The following EYS variants were observed in gnomAD, a reference collection of about 807,000 sequenced individuals.
EYS encodes protein eyes shut homolog.
A neutral mutation model predicts 282.1 loss-of-function variants in EYS; 250 were observed. The ratio of observed to expected loss-of-function variants is 0.89; its 90% CI spans 0.80 to 0.98. The LOEUF is 0.98. Among genes scored for constraint, EYS ranks in the 50% least tolerant of loss-of-function variants. The pLI, the probability that EYS is intolerant of heterozygous loss-of-function variation, is 0.00. For synonymous variants in EYS, 1,355 were observed against 1,282.9 expected (o/e 1.06, Z -1.20); for missense variants, 4,016 against 3,709.0 (o/e 1.08, Z -2.15).
At chr6:64,746,212 G>A (rs996255407) in intron 22 of EYS, among the ~76,000 whole-genome samples, 4 of 151,872 alleles carry the variant, frequency 2.6e-5, no homozygotes, top group Admixed American at 2.6e-4. Flanking sequence ...AATATTAAGA[G>A]GTGGGACTAT....
intron 26 of EYS, among the ~76,000 whole-genome samples, chr6:64,481,429 T>C (rs1263371852): frequency 6.6e-6 from 1 of 150,722 alleles, no homozygotes; most frequent in Non-Finnish European, 1.5e-5. Context: ...AATTTTTTTT[T>C]CTTTTTCAAA....
intron 5 of EYS, among the ~76,000 whole-genome samples, chr6:65,472,589 T>A (rs1582341836): frequency 6.6e-6 from 1 of 151,968 alleles, no homozygotes; most frequent in Non-Finnish European, 1.5e-5. Flanking sequence ...GATCCAATAA[T>A]ATAGCACATA....
chr6:64,125,931 A>G (rs202016957), intron 31 of EYS, among the ~76,000 whole-genome samples: 8 of 106,666 alleles, frequency 7.5e-5, no homozygotes, highest in African/African-American at 2.8e-4. Flanking sequence ...TTTTTTTTTT[A>G]TTATACTTTA....
chr6:65,658,711 G>T (rs1256555047), intron 1 of EYS, among the ~76,000 whole-genome samples: 1 of 151,564 alleles, frequency 6.6e-6, no homozygotes, highest in Admixed American at 6.6e-5. Flanking sequence ...TGATACACAT[G>T]TAACATATAT....
At chr6:63,903,364 T>C (rs1011093494) in intron 35 of EYS, among the ~76,000 whole-genome samples, 1 of 152,050 alleles carries the variant, frequency 6.6e-6, no homozygotes, top group Non-Finnish European at 1.5e-5. Flanking sequence ...ACACAATATG[T>C]AAAGGAAAGG....
At chr6:63,780,198 C>A (rs1770179552) in intron 39 of EYS, among the ~76,000 whole-genome samples, 1 of 152,162 alleles carries the variant, frequency 6.6e-6, no homozygotes, top group Admixed American at 6.5e-5. Context: ...AATAGTGCTG[C>A]AATAAACATA....
intron 26 of EYS, among the ~76,000 whole-genome samples, chr6:64,564,846 A>G (rs1486872760): frequency 6.6e-6 from 1 of 152,148 alleles, no homozygotes; most frequent in Non-Finnish European, 1.5e-5. Context: ...CCTAATGTAG[A>G]TGACAGATTG....
At chr6:65,519,708 A>ATATATTTT (rs1554205854) in intron 2 of EYS, among the ~76,000 whole-genome samples, 1 of 42,562 alleles carries the variant, frequency 2.3e-5, no homozygotes, top group African/African-American at 1.3e-4. Flanking sequence ...ATATATATAT[A>ATATATTTT]TTTTTTTTTT....
At chr6:64,054,103 C>T (rs1770903590) in intron 33 of EYS, among the ~76,000 whole-genome samples, 1 of 152,104 alleles carries the variant, frequency 6.6e-6, no homozygotes, top group Non-Finnish European at 1.5e-5. Context: ...TAAATACATA[C>T]TTTATTCCTA....
At chr6:65,425,862 A>C (rs1489484529) in intron 5 of EYS, among the ~76,000 whole-genome samples, 2 of 152,128 alleles carry the variant, frequency 1.3e-5, no homozygotes, top group Non-Finnish European at 2.9e-5. Context: ...TCTCTCTAGA[A>C]GTGATGGCAG....
intron 26 of EYS, among the ~76,000 whole-genome samples, chr6:64,509,335 A>G (rs28429272): frequency 5.3e-5 from 8 of 152,098 alleles, no homozygotes; most frequent in Admixed American, 2.0e-4. Flanking sequence ...AGTGTAGTAG[A>G]TGATCTCTTG....
At chr6:64,511,452 G>A (rs1777400438) in intron 26 of EYS, among the ~76,000 whole-genome samples, 1 of 151,748 alleles carries the variant, frequency 6.6e-6, no homozygotes, top group African/African-American at 2.4e-5. Context: ...AAAAGATCTG[G>A]GAAATAAACT....
chr6:64,026,991 G>A (rs375286617), intron 33 of EYS, among the ~76,000 whole-genome samples: 2 of 152,188 alleles, frequency 1.3e-5, no homozygotes, highest in African/African-American at 2.4e-5. Context: ...GAGATGTCAC[G>A]CTACCGTTAG....
At chr6:65,616,023 T>C (rs1028546396) in intron 2 of EYS, among the ~76,000 whole-genome samples, 4 of 151,800 alleles carry the variant, frequency 2.6e-5, no homozygotes, top group Admixed American at 1.3e-4. Context: ...CAAAATTGTA[T>C]CAAGAGTTAG....
chr6:63,720,731 A>G lies in EYS; in HGVS notation c.9300T>C (p.Thr3100=). The G allele has an allele frequency of 6.5e-7, 1 of 1,549,260 alleles. No homozygotes were observed. Among genetic ancestry groups the G allele is most frequent in the Middle Eastern group, 1.7e-4 (1 of 5,984 alleles). ...FEYGRKVNIV[T]QEIFKTNFVG... is the part of the protein sequence containing the mutation. ...CAAAATTGGTTTTAAAAATCTCTTG[A>G]GTAACGATATTTACCTTTCTACCAT... is the stretch of plus-strand genomic sequence containing the variant. Residue 3100 remains threonine (T), a synonymous_variant, in exon 43 of 43, where the codon ACT becomes ACC. Transcript: ENST00000503581.
chr6:65,221,452 G>T (rs755876108), intron 12 of EYS, among the ~76,000 whole-genome samples: 13 of 152,202 alleles, frequency 8.5e-5, no homozygotes, highest in Middle Eastern at 3.2e-3. Context: ...TGCTTCAGAG[G>T]GTGCAAGCTG....
rs1483400118 is a variant in EYS, at chr6:65,514,371, A to T, written c.-332-18378T>A. ...TGAAAATGGCCACACTGCCCAAGGT[A>T]ATTTATAGATTCAATGCCATCCCCA... On this transcript the variant is annotated intron_variant, in intron 2 of 42. Coordinates refer to ENST00000503581, the MANE Select transcript of EYS (RefSeq NM_001142800.2). 2.6e-5 allele frequency among the ~76,000 whole-genome samples: 4 copies of T among 152,354 alleles called. No homozygotes were observed. In the East Asian group the frequency reaches 7.7e-4, roughly 29 times the overall value.
At chr6:65,315,531 A>C (rs1769275009) in intron 11 of EYS, among the ~76,000 whole-genome samples, 1 of 151,772 alleles carries the variant, frequency 6.6e-6, no homozygotes, top group South Asian at 2.1e-4. Context: ...CTTTCTATAA[A>C]TGAAATCATC....
intron 24 of EYS, among the ~76,000 whole-genome samples, chr6:64,603,226 T>C (rs1370772699): frequency 1.3e-5 from 2 of 152,000 alleles, no homozygotes; most frequent in Non-Finnish European, 2.9e-5. Context: ...ATTTAGCTTT[T>C]CTTTTTCTTC....
Sources: gnomAD v4.1 joint callset for allele counts (sites outside exome capture counted in the v4.1 genomes callset) on GRCh38, gnomAD v4.1.1 for gene constraint, MANE v1.5 for transcripts, NCBI Gene and HGNC (gene_info 2026-07-23, HGNC 2026-07-21) for gene names.